The following DNAH7 variants were observed in gnomAD, a reference collection of about 807,000 sequenced individuals.
The protein encoded by DNAH7 is axonemal beta dynein heavy chain 7.
DNAH7 carries 397 observed loss-of-function variants against 444.6 expected under a neutral mutation model. The ratio of observed to expected loss-of-function variants is 0.89; its 90% confidence interval spans 0.82 to 0.97. The LOEUF (loss-of-function observed/expected upper bound fraction) is 0.97. Ranked by LOEUF, DNAH7 falls within the 50% of genes least tolerant of loss-of-function variation. DNAH7 has a pLI of 0.00. For missense variants in DNAH7, 4,902 were observed against 4,800.8 expected (o/e 1.02, Z -0.62); for synonymous variants, 1,636 against 1,624.4 (o/e 1.01, Z -0.17).
chr2:195,790,638 A>G (rs1040296319), intron 57 of DNAH7, among the ~76,000 whole-genome samples: 3 of 152,208 alleles, frequency 2.0e-5, no homozygotes, highest in Non-Finnish European at 4.4e-5. Flanking sequence ...GGCTAGCCAT[A>G]TGCAGAAGAA....
chr2:196,001,918 T>G, intron 10 of DNAH7, 60 bp from the exon 11 acceptor site: 1 of 1,383,692 alleles, frequency 7.2e-7, no homozygotes, highest in Non-Finnish European at 9.8e-7. Flanking sequence ...CCTTTTATAT[T>G]AAGCATTAAC....
At chr2:195,799,172 C>T (rs1381281962) in intron 55 of DNAH7, 124 bp downstream of exon 55, 3 of 816,592 alleles carry the variant, frequency 3.7e-6, no homozygotes, top group East Asian at 6.0e-5. Context: ...ATTCTGTCAA[C>T]TTGTGATAAC....
intron 9 of DNAH7, among the ~76,000 whole-genome samples, chr2:196,014,343 T>A (rs1428994277): frequency 6.6e-6 from 1 of 152,188 alleles, no homozygotes; most frequent in East Asian, 1.9e-4. Flanking sequence ...ATGAGTCTTC[T>A]AATCACCAAA....
chr2:195,827,781 T>A (rs765560089), intron 48 of DNAH7, among the ~76,000 whole-genome samples: 1 of 151,812 alleles, frequency 6.6e-6, no homozygotes, highest in Non-Finnish European at 1.5e-5. Flanking sequence ...CTTGCTACAT[T>A]GCCCAGACTG....
At chr2:195,966,674 G>C (rs1167411978) in intron 17 of DNAH7, among the ~76,000 whole-genome samples, 1 of 152,120 alleles carries the variant, frequency 6.6e-6, no homozygotes, top group South Asian at 2.1e-4. Context: ...CCCTCTTGCT[G>C]AATTGATCCT....
chr2:195,991,305 C>A (rs180681895), intron 12 of DNAH7, among the ~76,000 whole-genome samples: 26 of 152,258 alleles, frequency 1.7e-4, no homozygotes, highest in African/African-American at 5.3e-4. Context: ...TGCCACCCAA[C>A]TTTCTCTGCA....
chr2:195,990,673 T>C (rs1336255481), intron 12 of DNAH7, among the ~76,000 whole-genome samples: 2 of 151,390 alleles, frequency 1.3e-5, no homozygotes, highest in Non-Finnish European at 2.9e-5. Context: ...AAAAAAGTTA[T>C]TGTAGAAGTG....
At chr2:195,849,662 C>A (rs1414295143) in intron 46 of DNAH7, among the ~76,000 whole-genome samples, 1 of 152,058 alleles carries the variant, frequency 6.6e-6, no homozygotes, top group African/African-American at 2.4e-5. Flanking sequence ...AGTGCAGTGG[C>A]ATGATCTTGC....
intron 10 of DNAH7, among the ~76,000 whole-genome samples, chr2:196,011,613 T>C (rs1253267176): frequency 6.6e-6 from 1 of 152,174 alleles, no homozygotes; most frequent in Admixed American, 6.5e-5. Flanking sequence ...CATTTGCTAA[T>C]TGTTTCTCCT....
intron 40 of DNAH7, among the ~76,000 whole-genome samples, chr2:195,867,116 A>G (rs1365181453): frequency 2.6e-5 from 4 of 152,176 alleles, no homozygotes; most frequent in Non-Finnish European, 5.9e-5. Flanking sequence ...ATGGACTAAT[A>G]CAGGTACAAC....
chr2:195,795,058 T>C (rs1280524705), intron 56 of DNAH7, among the ~76,000 whole-genome samples: 2 of 152,108 alleles, frequency 1.3e-5, no homozygotes, highest in East Asian at 1.9e-4. Context: ...TGGAGACAGA[T>C]GAACCATAAG....
chr2:196,011,163 T>C (rs907183306), intron 10 of DNAH7, among the ~76,000 whole-genome samples: 26 of 152,212 alleles, frequency 1.7e-4, no homozygotes, highest in African/African-American at 6.3e-4. Flanking sequence ...AGATTTGGAA[T>C]GCTCCCAACA....
chr2:196,036,468 T>C (rs1055255439), intron 5 of DNAH7, among the ~76,000 whole-genome samples: 11 of 152,158 alleles, frequency 7.2e-5, no homozygotes, highest in South Asian at 2.1e-4. Flanking sequence ...ACCCAAGGAA[T>C]AGGCGATCCA....
intron 21 of DNAH7, among the ~76,000 whole-genome samples, chr2:195,931,397 C>A (rs907068518): frequency 6.6e-6 from 1 of 151,852 alleles, no homozygotes; most frequent in Non-Finnish European, 1.5e-5. Flanking sequence ...ATGGTAGTTT[C>A]TTTTGCTGTG....
Position 195,957,314 on chromosome 2 carries a change from G to A in DNAH7, c.3025C>T (p.Arg1009Ter), listed in dbSNP as rs371925699. The change falls in exon 19 of 65, where the codon CGA becomes TGA. Residue 1009 changes from arginine (R) to a stop codon, truncating the protein, a stop_gained. Transcript: ENST00000312428. LOFTEE classifies it high-confidence loss of function. ...CATGTCTTATCCACAGCTGTAAATC[G>A]TCTGCCTTCCTCAGGCATTTGAGAC... is the stretch of plus-strand genomic sequence containing the variant. ...IMSQMPEEGR[R>*]FTAVDKTWRD... is the part of the protein sequence containing the mutation. 1.3e-4 allele frequency: 206 copies of A among 1,603,832 alleles called. No individual in the cohort carries two copies. In the Middle Eastern group the frequency reaches 2.2e-3, roughly 17 times the overall value.
At chr2:195,741,914 A>T (rs927990644) in intron 63 of DNAH7, among the ~76,000 whole-genome samples, 1 of 152,244 alleles carries the variant, frequency 6.6e-6, no homozygotes, top group Non-Finnish European at 1.5e-5. Flanking sequence ...AAATAACTGA[A>T]TTTTAAATTT....
chr2:195,875,698 A>T lies in DNAH7; in HGVS notation c.6263T>A (p.Ile2088Asn), dbSNP rs1213248756. Residue 2088 changes from isoleucine (I) to asparagine (N), a missense_variant, in exon 38 of 65, where the codon ATC becomes AAC. Physicochemically the swap from Ile to Asn is moderately radical, Grantham distance 149. Coordinates refer to ENST00000312428, the MANE Select transcript of DNAH7 (RefSeq NM_018897.3). ...ACCTGGAGGTCCCATAGCACACATGATCTGAATGTCCACTAGTTTAATCAT... is the reference window on the plus strand; with the variant it reads ...ACCTGGAGGTCCCATAGCACACATGTTCTGAATGTCCACTAGTTTAATCAT... ...CSMIKLVDIQ[I>N]MCAMGPPGGG... 1.2e-6 allele frequency: 2 copies of T among 1,601,746 alleles called. No homozygotes were observed. Among genetic ancestry groups the T allele is most frequent in the Admixed American group, 3.5e-5 (2 of 57,330 alleles).
Position 195,754,454 on chromosome 2 carries a change from C to T in DNAH7, c.11647G>A (p.Ala3883Thr). The change falls in exon 63 of 65, where the codon GCC becomes ACC. Residue 3883 changes from alanine to threonine, a missense_variant. Physicochemically the swap from Ala to Thr is moderately conservative, Grantham distance 58. Coordinates refer to ENST00000312428, the MANE Select transcript of DNAH7 (RefSeq NM_018897.3). ...TTCTGCTGGGCACCGGTCAGGAAGG[C>T]TTGTGTGAAGAAGAAGCCAGAAAGC... ...FWLSGFFFTQ[A>T]FLTGAQQNYA... is the part of the protein sequence containing the mutation. The T allele has an allele frequency of 6.2e-7, 1 of 1,614,064 alleles. No homozygotes were observed. Among genetic ancestry groups the T allele is most frequent in the African/African-American group, 1.3e-5 (1 of 75,034 alleles).
intron 46 of DNAH7, among the ~76,000 whole-genome samples, chr2:195,849,752 C>T (rs1699235939): frequency 6.6e-6 from 1 of 152,112 alleles, no homozygotes; most frequent in Non-Finnish European, 1.5e-5. Context: ...CAGGCACACA[C>T]CACCATGCCC....
Sources: gnomAD v4.1 joint callset for allele counts (sites outside exome capture counted in the v4.1 genomes callset) on GRCh38, gnomAD v4.1.1 for gene constraint, MANE v1.5 for transcripts, NCBI Gene and HGNC (gene_info 2026-07-23, HGNC 2026-07-21) for gene names.